The following ARHGAP24 variants were observed in gnomAD, a reference collection of about 807,000 sequenced individuals.
The protein encoded by ARHGAP24 is rho GTPase-activating protein 24.
ARHGAP24 carries 50 observed loss-of-function variants against 76.4 expected under a neutral mutation model. The ratio of observed to expected loss-of-function variants is 0.65; its 90% CI spans 0.52 to 0.83. The LOEUF is 0.83. Among genes scored for constraint, ARHGAP24 ranks in the 40% least tolerant of loss-of-function variants. ARHGAP24 has a pLI of 0.00. For missense variants in ARHGAP24, 930 were observed against 914.2 expected, an observed-to-expected ratio of 1.02 and a Z score of -0.22; for synonymous variants, 345 against 323.3, an observed-to-expected ratio of 1.07 and a Z score of -0.72.
chr4:85,860,244 G>A (rs754917146), intron 3 of ARHGAP24, among the ~76,000 whole-genome samples: 9 of 152,088 alleles, frequency 5.9e-5, no homozygotes, highest in Non-Finnish European at 1.0e-4. Flanking sequence ...AAAAGCAAAT[G>A]TGTAGAGAGA....
At chr4:85,534,899 G>A (rs559950151) in intron 1 of ARHGAP24, among the ~76,000 whole-genome samples, 24 of 147,916 alleles carry the variant, frequency 1.6e-4, no homozygotes, top group Non-Finnish European at 2.8e-4. Context: ...GCTAAGGTCC[G>A]TTGGGCTTCT....
At chr4:85,866,397 C>G (rs758925451) in intron 3 of ARHGAP24, among the ~76,000 whole-genome samples, 1 of 152,010 alleles carries the variant, frequency 6.6e-6, no homozygotes, top group Non-Finnish European at 1.5e-5. Flanking sequence ...CTTGGCTTAC[C>G]CTGCCTGCCA....
chr4:85,710,640 A>C (rs1724491911), intron 2 of ARHGAP24, among the ~76,000 whole-genome samples: 1 of 152,186 alleles, frequency 6.6e-6, no homozygotes, highest in Non-Finnish European at 1.5e-5. Context: ...GCCCCATTAA[A>C]AAGTGGACAA....
intron 2 of ARHGAP24, among the ~76,000 whole-genome samples, chr4:85,716,120 A>G (rs1264982225): frequency 1.3e-5 from 2 of 152,050 alleles, no homozygotes; most frequent in Non-Finnish European, 2.9e-5. Context: ...TTATTAAACT[A>G]ACAGAGCTAT....
intron 2 of ARHGAP24, among the ~76,000 whole-genome samples, chr4:85,700,940 A>G (rs1418641188): frequency 6.6e-6 from 1 of 152,206 alleles, no homozygotes; most frequent in Non-Finnish European, 1.5e-5. Context: ...TGTATTTTTT[A>G]TGTAGACATA....
intron 3 of ARHGAP24, among the ~76,000 whole-genome samples, chr4:85,903,285 G>T (rs1183571376): frequency 2.0e-5 from 3 of 152,104 alleles, no homozygotes; most frequent in African/African-American, 7.2e-5. Flanking sequence ...ATAAATGCTA[G>T]ACCTGTAGCA....
chr4:85,932,082 T>A (rs1318151089), intron 4 of ARHGAP24, among the ~76,000 whole-genome samples: 1 of 152,208 alleles, frequency 6.6e-6, no homozygotes, highest in African/African-American at 2.4e-5. Context: ...TTCCTTTGCG[T>A]AGCTAAGACC....
intron 2 of ARHGAP24, among the ~76,000 whole-genome samples, chr4:85,657,848 G>A (rs905063266): frequency 7.9e-5 from 12 of 152,176 alleles, no homozygotes; most frequent in African/African-American, 2.2e-4. Flanking sequence ...TCTGCCTCCC[G>A]GGTTCAAGTG....
chr4:85,686,852 T>G (rs1723442291), intron 2 of ARHGAP24, among the ~76,000 whole-genome samples: 3 of 146,074 alleles, frequency 2.1e-5, no homozygotes, highest in African/African-American at 7.4e-5. Context: ...AAATTAGTCT[T>G]CTCTGCTTGT....
intron 1 of ARHGAP24, among the ~76,000 whole-genome samples, chr4:85,500,801 T>G (rs1221586508): frequency 6.6e-6 from 1 of 152,092 alleles, no homozygotes; most frequent in East Asian, 1.9e-4. Context: ...TGTGCCATGT[T>G]GGTTTGCTGC....
rs1053108930 is a variant in ARHGAP24, at chr4:86,002,311, A to G, written c.*1589A>G. 6.6e-6 allele frequency: 1 copy of G among 152,192 alleles called. No individual in the cohort carries two copies. The highest frequency in any genetic ancestry group is 1.5e-5 in the Non-Finnish European group (1 of 68,044). The allele number at this position is 152,192 out of a possible 1,614,324, so 9.4% of individuals were successfully genotyped here. On this transcript the variant is annotated 3_prime_UTR_variant, in exon 10 of 10. Coordinates refer to ENST00000395184, the MANE Select transcript of ARHGAP24 (RefSeq NM_001025616.3). ...CCACTGAGCAAGCGTCTGTGGTCCT[A>G]TGGTATCAACCAGTATCTTTATAGC...
At chr4:85,694,956 T>A (rs1723815527) in intron 2 of ARHGAP24, among the ~76,000 whole-genome samples, 1 of 152,212 alleles carries the variant, frequency 6.6e-6, no homozygotes, top group South Asian at 2.1e-4. Context: ...ATGGTAATAA[T>A]TAAATGCAAG....
chr4:85,736,233 T>C (rs1194363053), intron 3 of ARHGAP24, among the ~76,000 whole-genome samples: 2 of 152,236 alleles, frequency 1.3e-5, no homozygotes, highest in Admixed American at 6.5e-5. Flanking sequence ...TTGCCATTTT[T>C]CTTATAGAAA....
chr4:85,881,607 A>G (rs1254083881), intron 3 of ARHGAP24, among the ~76,000 whole-genome samples: 2 of 147,498 alleles, frequency 1.4e-5, no homozygotes, highest in Non-Finnish European at 3.0e-5. Flanking sequence ...GATGCTTGTC[A>G]TGCTTTCAAA....
intron 1 of ARHGAP24, among the ~76,000 whole-genome samples, chr4:85,478,395 A>G (rs1486295486): frequency 6.6e-6 from 1 of 152,184 alleles, no homozygotes; most frequent in Non-Finnish European, 1.5e-5. Flanking sequence ...AAACTTTACA[A>G]GGTTCTGATG....
intron 2 of ARHGAP24, among the ~76,000 whole-genome samples, chr4:85,674,460 G>A (rs1436993450): frequency 1.3e-5 from 2 of 151,996 alleles, no homozygotes; most frequent in African/African-American, 4.8e-5. Context: ...TTGATATATG[G>A]TGGCAACATC....
intron 2 of ARHGAP24, among the ~76,000 whole-genome samples, chr4:85,655,790 T>TAGAGAGAGAGAG (rs1351229097): frequency 2.0e-5 from 1 of 50,162 alleles, no homozygotes; most frequent in African/African-American, 1.1e-4. Flanking sequence ...TATATATATA[T>TAGAGAGAGAGAG]ATAGAGAGAG....
intron 1 of ARHGAP24, among the ~76,000 whole-genome samples, chr4:85,532,774 A>T (rs1418344041): frequency 6.6e-6 from 1 of 152,198 alleles, no homozygotes; most frequent in Non-Finnish European, 1.5e-5. Context: ...TTCTATGACC[A>T]TTCTAATCCT....
At chr4:85,632,550 A>T (rs1027168039) in intron 2 of ARHGAP24, among the ~76,000 whole-genome samples, 1 of 150,286 alleles carries the variant, frequency 6.7e-6, no homozygotes, top group Non-Finnish European at 1.5e-5. Flanking sequence ...TAAAGGTAAT[A>T]TAAAAGAAAA....
Sources: gnomAD v4.1 joint callset for allele counts (sites outside exome capture counted in the v4.1 genomes callset) on GRCh38, gnomAD v4.1.1 for gene constraint, MANE v1.5 for transcripts, NCBI Gene and HGNC (gene_info 2026-07-23, HGNC 2026-07-21) for gene names.